The following ZBTB25 variants were observed in gnomAD, a reference collection of about 807,000 sequenced individuals.
ZBTB25 encodes the protein zinc finger and BTB domain-containing protein 25.
ZBTB25 carries 20 observed loss-of-function variants against 34.2 expected under a neutral mutation model. That is an observed-to-expected ratio of 0.58 (90% CI 0.41 to 0.85). ZBTB25 has a LOEUF of 0.85. Among genes scored for constraint, ZBTB25 ranks in the 40% least tolerant of loss-of-function variants. The probability of loss-of-function intolerance (pLI) is 0.00; values close to 1 mark genes in which losing one functional copy is unlikely to be tolerated. For missense variants in ZBTB25, 437 were observed against 521.8 expected (o/e 0.84, Z 1.58); for synonymous variants, 175 against 186.4 (o/e 0.94, Z 0.50).
rs201259387 is a variant in ZBTB25, at chr14:64,487,097, A to T, written c.1134T>A (p.Tyr378Ter). The change falls in exon 3 of 3, where the codon TAT becomes TAA. Residue 378 changes from tyrosine (Y) to a stop codon, truncating the protein, a stop_gained. Transcript: ENST00000608382. LOFTEE classifies it high-confidence loss of function. ...CATTACCAAACCTTTGGCATCGGTT[A>T]TATCTGTAAGATTTACCTTTGTGTG... is the stretch of plus-strand genomic sequence containing the variant. Reference protein sequence around the residue: ...MYTHKGKSYRYNRCQRFGNAL... With the variant: ...MYTHKGKSYR 37 of 1,614,140 alleles carry T rather than the reference A, an allele frequency of 2.3e-5. No homozygotes were observed. Among genetic ancestry groups the T allele is most frequent in the Non-Finnish European group, 3.0e-5 (35 of 1,180,056 alleles).
chr14:64,450,179 A>G (rs2078347683), intron 2 of ZBTB25, among the ~76,000 whole-genome samples: 2 of 152,254 alleles, frequency 1.3e-5, no homozygotes, highest in African/African-American at 4.8e-5. Context: ...ACCGTTGCTC[A>G]TATCCTAACT....
chr14:64,469,316 G>C (rs1449190589), intron 2 of ZBTB25: 3 of 1,613,304 alleles, frequency 1.9e-6, no homozygotes. Context: ...TAAGCCAAAA[G>C]ATACTGAATT....
In ZBTB25 at chr14:64,486,119, G is replaced by A; in HGVS notation, c.*804C>T. ...TCGAGACCATCCTGGCTAACACGGTGAAACCCCGTCTCTACTAAAAAAATA... is the reference window on the plus strand; with the variant it reads ...TCGAGACCATCCTGGCTAACACGGTAAAACCCCGTCTCTACTAAAAAAATA... On this transcript the variant is annotated 3_prime_UTR_variant, in exon 3 of 3. Coordinates refer to ENST00000608382, the MANE Select transcript of ZBTB25 (RefSeq NM_006977.5). 1.4e-6 allele frequency: 1 copy of A among 711,828 alleles called. No homozygotes were observed. The highest frequency in any genetic ancestry group is 1.7e-6 in the Non-Finnish European group (1 of 580,794). 44.1% of individuals were successfully genotyped at this position (711,828 alleles called of 1,614,324 possible).
rs1054561889 is a variant in ZBTB25, at chr14:64,486,813, G to T, written c.*110C>A. ...ACAACCTTAAAACCATGGATAAGCT[G>T]TGAAGAAAAAAAGTCAATGAAACTT... On this transcript the variant is annotated 3_prime_UTR_variant, in exon 3 of 3. Coordinates refer to ENST00000608382, the MANE Select transcript of ZBTB25 (RefSeq NM_006977.5). 2.3e-5 allele frequency: 33 copies of T among 1,446,718 alleles called. 1 individual carries two copies. The South Asian group carries it at 2.7e-4, about 12-fold the overall frequency. 89.6% of individuals were successfully genotyped at this position (1,446,718 alleles called of 1,614,324 possible). A position where few individuals can be genotyped will look rare whatever the true frequency, so the allele number is the denominator to read the frequency against.
rs1163660375 is a variant in ZBTB25 at position 64,478,596 on chromosome 14, GA to G, written c.*8326del. ...CCAAGGCCTCACAGTTAATGGCTTG[GA>G]AAAATCTTCAGAAATGCTCAATGTA... On this transcript the variant is annotated 3_prime_UTR_variant, in exon 3 of 3. Coordinates refer to ENST00000608382, the MANE Select transcript of ZBTB25 (RefSeq NM_006977.5). 2.6e-5 allele frequency: 4 copies of G among 152,146 alleles called. No homozygotes were observed. The highest frequency in any genetic ancestry group is 9.7e-5 in the African/African-American group (4 of 41,420). The allele number at this position is 152,146 out of a possible 1,614,324, so 9.4% of individuals were successfully genotyped here.
chr14:64,503,228 A>T, intron 1 of ZBTB25: 1 of 985,504 alleles, frequency 1.0e-6, no homozygotes. Flanking sequence ...GGTAATCACA[A>T]GCTGGGAGTG....
intron 2 of ZBTB25, chr14:64,468,370 T>C (rs1436724840): frequency 1.3e-6 from 2 of 1,554,206 alleles, no homozygotes; most frequent in Admixed American, 2.1e-5. Flanking sequence ...TACAGTTTTC[T>C]AGAGAATAAG....
intron 1 of ZBTB25, among the ~76,000 whole-genome samples, chr14:64,497,862 A>G (rs1365538688): frequency 6.6e-6 from 1 of 152,228 alleles, no homozygotes; most frequent in Admixed American, 6.5e-5. Flanking sequence ...TTAATAAAAA[A>G]GGAACAAAAA....
At chr14:64,490,190 A>G in intron 2 of ZBTB25, among the ~76,000 whole-genome samples, 171 bp downstream of exon 2, 1 of 130,308 alleles carries the variant, frequency 7.7e-6, no homozygotes, top group Non-Finnish European at 1.6e-5. Flanking sequence ...CCTGGGTGAC[A>G]GAGCAAGACT....
At chr14:64,500,939 T>C (rs2079474656) in intron 1 of ZBTB25, among the ~76,000 whole-genome samples, 1 of 152,182 alleles carries the variant, frequency 6.6e-6, no homozygotes, top group South Asian at 2.1e-4. Flanking sequence ...TAATCCCAGC[T>C]ACTCGGGAGG....
chr14:64,465,849 G>A (rs1272469061), intron 2 of ZBTB25, among the ~76,000 whole-genome samples: 1 of 152,234 alleles, frequency 6.6e-6, no homozygotes, highest in Non-Finnish European at 1.5e-5. Context: ...AGAAGCATGG[G>A]TTGCCGGTGG....
chr14:64,465,854 C>G (rs2078607509), intron 2 of ZBTB25, among the ~76,000 whole-genome samples: 1 of 152,206 alleles, frequency 6.6e-6, no homozygotes, highest in Non-Finnish European at 1.5e-5. Flanking sequence ...CATGGGTTGC[C>G]GGTGGCTTTT....
rs985905890 is a variant in ZBTB25, at chr14:64,478,212, T to A, written c.*8711A>T. 6 of 152,214 alleles carry A rather than the reference T, an allele frequency of 3.9e-5. No individual in the cohort carries two copies. Among genetic ancestry groups the A allele is most frequent in the Non-Finnish European group, 7.3e-5 (5 of 68,034 alleles). The allele number at this position is 152,214 out of a possible 1,614,324, so 9.4% of individuals were successfully genotyped here. A position where few individuals can be genotyped will look rare whatever the true frequency, so the allele number is the denominator to read the frequency against. ...TAAACTTAGGAGAAGCAACTGGTGA[T>A]TAGGTACAAAGTCCTAGGATGATGA... On this transcript the variant is annotated 3_prime_UTR_variant, in exon 3 of 3. Coordinates refer to ENST00000608382, the MANE Select transcript of ZBTB25 (RefSeq NM_006977.5).
chr14:64,458,505 T>C (rs2078510517), intron 2 of ZBTB25: 1 of 606,592 alleles, frequency 1.6e-6, no homozygotes, highest in Non-Finnish European at 3.0e-6. Context: ...TTTCAACACA[T>C]TTTTGGAAGA....
chr14:64,468,592 A>C (rs1473344372), intron 2 of ZBTB25: 2 of 1,613,986 alleles, frequency 1.2e-6, no homozygotes, highest in Admixed American at 3.3e-5. Context: ...CACAAGAAGC[A>C]GGAGCTTCTG....
At chr14:64,495,158 G>A (rs2079226071) in intron 1 of ZBTB25, among the ~76,000 whole-genome samples, 1 of 152,168 alleles carries the variant, frequency 6.6e-6, no homozygotes, top group African/African-American at 2.4e-5. Context: ...TTATAGTCTA[G>A]GTATTGTGAT....
downstream of ZBTB25, among the ~76,000 whole-genome samples, chr14:64,475,368 G>A (rs1201262122): frequency 1.3e-5 from 2 of 151,990 alleles, no homozygotes; most frequent in Non-Finnish European, 2.9e-5. Context: ...GAACCCGGGA[G>A]GCAGAGCTTG....
intron 1 of ZBTB25, among the ~76,000 whole-genome samples, chr14:64,496,466 G>A (rs1257175663): frequency 6.6e-6 from 1 of 152,166 alleles, no homozygotes; most frequent in Non-Finnish European, 1.5e-5. Context: ...ATTCCAGCCT[G>A]GGCTACAGAG....
At chr14:64,469,188 T>G in intron 2 of ZBTB25, 1 of 1,614,154 alleles carries the variant, frequency 6.2e-7, no homozygotes, top group Non-Finnish European at 8.5e-7. Flanking sequence ...CTTTCTGATG[T>G]TCCTCCTTTA....
Sources: allele counts gnomAD v4.1 joint callset (sites outside exome capture counted in the v4.1 genomes callset), GRCh38; gene constraint gnomAD v4.1.1; transcripts MANE v1.5; gene names NCBI Gene and HGNC (gene_info 2026-07-23, HGNC 2026-07-21).